The following NKAIN2 variants were observed in gnomAD, a reference collection of about 807,000 sequenced individuals.
NKAIN2 encodes sodium/potassium transporting ATPase interacting 2, also known as sodium/potassium-transporting ATPase subunit beta-1-interacting protein 2.
In NKAIN2, 14 loss-of-function variants were observed where a neutral mutation model predicts 32.6. The observed-to-expected ratio is 0.43, with a 90% CI of 0.28 to 0.67. The LOEUF is 0.67. Among genes scored for constraint, NKAIN2 ranks in the 30% least tolerant of loss-of-function variants. The pLI is 0.17. For missense variants in NKAIN2, 198 were observed against 258.3 expected (o/e 0.77, Z 1.60); for synonymous variants, 80 against 87.2 (o/e 0.92, Z 0.46).
chr6:124,526,232 G>A (rs1375601870), intron 3 of NKAIN2, among the ~76,000 whole-genome samples: 1 of 152,132 alleles, frequency 6.6e-6, no homozygotes, highest in East Asian at 1.9e-4. Flanking sequence ...GGTACAGAAG[G>A]CAAGTGCATT....
intron 3 of NKAIN2, among the ~76,000 whole-genome samples, chr6:124,430,279 T>G (rs1775159495): frequency 6.6e-6 from 1 of 152,236 alleles, no homozygotes. Context: ...GTGGTCATAA[T>G]GGAATCATTC....
At chr6:124,259,876 T>C (rs966445565) in intron 1 of NKAIN2, among the ~76,000 whole-genome samples, 1 of 152,196 alleles carries the variant, frequency 6.6e-6, no homozygotes, top group Admixed American at 6.5e-5. Context: ...TAGAGTGTTA[T>C]GGGGCCATTC....
intron 1 of NKAIN2, among the ~76,000 whole-genome samples, chr6:124,201,670 C>T (rs80249936): frequency 0.012 from 1,841 of 152,006 alleles, 27 homozygotes; most frequent in Admixed American, 0.025. Context: ...AAGGATAGTA[C>T]GTCAGTCCTG....
At chr6:124,632,270 GATA>G (rs540877181) in intron 3 of NKAIN2, among the ~76,000 whole-genome samples, 113 of 152,248 alleles carry the variant, frequency 7.4e-4, no homozygotes, top group African/African-American at 2.6e-3. Flanking sequence ...CATATTGATA[GATA>G]ATGATCACTT....
At chr6:123,979,585 C>T (rs957665246) in intron 1 of NKAIN2, among the ~76,000 whole-genome samples, 4 of 152,026 alleles carry the variant, frequency 2.6e-5, no homozygotes, top group Admixed American at 1.3e-4. Context: ...ATTTGGTTTT[C>T]GATTTAAGAA....
chr6:124,759,953 G>C (rs185919621), intron 4 of NKAIN2, among the ~76,000 whole-genome samples: 395 of 152,052 alleles, frequency 2.6e-3, no homozygotes, highest in African/African-American at 9.3e-3. Flanking sequence ...GGAATAAAAG[G>C]AGACACTCTC....
intron 4 of NKAIN2, among the ~76,000 whole-genome samples, chr6:124,717,236 G>GTGCC: frequency 6.6e-6 from 1 of 152,238 alleles, no homozygotes; most frequent in Admixed American, 6.5e-5. Flanking sequence ...TCTATAAATT[G>GTGCC]TAGCACTATT....
intron 1 of NKAIN2, among the ~76,000 whole-genome samples, chr6:124,058,993 C>T (rs1314628447): frequency 6.6e-6 from 1 of 151,792 alleles, no homozygotes; most frequent in South Asian, 2.1e-4. Flanking sequence ...TAAGTTAGGA[C>T]AACAGGCATA....
intron 1 of NKAIN2, among the ~76,000 whole-genome samples, chr6:123,831,338 T>G (rs2114913223): frequency 6.6e-6 from 1 of 151,844 alleles, no homozygotes; most frequent in Non-Finnish European, 1.5e-5. Context: ...GTATGCATAT[T>G]GTGTAATATT....
intron 3 of NKAIN2, among the ~76,000 whole-genome samples, chr6:124,576,503 T>C (rs887125368): frequency 8.5e-5 from 13 of 152,300 alleles, no homozygotes; most frequent in Non-Finnish European, 1.3e-4. Context: ...TATGAAGATA[T>C]TTTATGTGAT....
chr6:123,958,312 T>C (rs1466967115), intron 1 of NKAIN2, among the ~76,000 whole-genome samples: 2 of 152,248 alleles, frequency 1.3e-5, no homozygotes, highest in East Asian at 3.8e-4. Context: ...AACCATATAC[T>C]GTCCCATGCA....
At chr6:124,428,101 G>C (rs1397206866) in intron 3 of NKAIN2, among the ~76,000 whole-genome samples, 1 of 151,812 alleles carries the variant, frequency 6.6e-6, no homozygotes, top group Non-Finnish European at 1.5e-5. Context: ...ATATCTCCAT[G>C]AATAACTAAA....
intron 1 of NKAIN2, among the ~76,000 whole-genome samples, chr6:123,862,368 A>G (rs193211860): frequency 6.6e-6 from 1 of 152,106 alleles, no homozygotes; most frequent in African/African-American, 2.4e-5. Flanking sequence ...GCTCTTGCCC[A>G]TGTTATCATT....
intron 4 of NKAIN2, among the ~76,000 whole-genome samples, chr6:124,703,665 C>G (rs943192464): frequency 6.6e-6 from 1 of 151,998 alleles, no homozygotes; most frequent in African/African-American, 2.4e-5. Context: ...CAAGCCTAGT[C>G]ATAAAGGTTG....
chr6:124,803,144 A>T (rs1352079099), intron 5 of NKAIN2, among the ~76,000 whole-genome samples: 1 of 152,198 alleles, frequency 6.6e-6, no homozygotes, highest in Non-Finnish European at 1.5e-5. Flanking sequence ...TGGCCAGAGG[A>T]CCTGTTCCAC....
intron 1 of NKAIN2, among the ~76,000 whole-genome samples, chr6:124,036,886 T>A (rs1213893635): frequency 3.9e-5 from 6 of 152,178 alleles, no homozygotes; most frequent in Non-Finnish European, 7.4e-5. Context: ...CAGCTAAAAT[T>A]TAGAACCTTA....
intron 1 of NKAIN2, among the ~76,000 whole-genome samples, chr6:123,988,156 A>G (rs182021252): frequency 6.6e-6 from 1 of 152,316 alleles, no homozygotes; most frequent in Non-Finnish European, 1.5e-5. Context: ...AAATATAGAA[A>G]AAAAGTATAG....
intron 3 of NKAIN2, among the ~76,000 whole-genome samples, chr6:124,517,160 G>A (rs190208472): frequency 2.6e-5 from 4 of 152,102 alleles, no homozygotes; most frequent in Admixed American, 6.5e-5. Context: ...AATGAAATTC[G>A]AACAAGTCAC....
chr6:124,722,566 C>T (rs536100612), intron 4 of NKAIN2, among the ~76,000 whole-genome samples: 1 of 152,284 alleles, frequency 6.6e-6, no homozygotes, highest in South Asian at 2.1e-4. Context: ...ACGTGCATCG[C>T]AGTTCACTAT....
Sources: gnomAD v4.1 joint callset for allele counts (sites outside exome capture counted in the v4.1 genomes callset) on GRCh38, gnomAD v4.1.1 for gene constraint, MANE v1.5 for transcripts, NCBI Gene and HGNC (gene_info 2026-07-23, HGNC 2026-07-21) for gene names.